The following VPS13C variants were observed in gnomAD, a reference collection of about 807,000 sequenced individuals.
The protein encoded by VPS13C is vacuolar protein sorting 13 homolog C.
In VPS13C, 358 loss-of-function variants were observed where a neutral mutation model predicts 456.8. The observed-to-expected ratio is 0.78, with a 90% CI of 0.72 to 0.86. The LOEUF (loss-of-function observed/expected upper bound fraction) is 0.86. Ranked by LOEUF, VPS13C falls within the 40% of genes least tolerant of loss-of-function variation. The pLI, the probability that VPS13C is intolerant of heterozygous loss-of-function variation, is 0.00. For synonymous variants in VPS13C, 1,578 were observed against 1,486.7 expected, an observed-to-expected ratio of 1.06 and a Z score of -1.41; for missense variants, 4,818 against 4,385.4, an observed-to-expected ratio of 1.10 and a Z score of -2.79.
chr15:62,007,203 A>T, intron 15 of VPS13C, 105 bp downstream of exon 15: 1 of 940,264 alleles, frequency 1.1e-6, no homozygotes, highest in Non-Finnish European at 1.4e-6. Flanking sequence ...AAAAGAGGTG[A>T]ATTCTGTTCT....
chr15:61,991,879 A>C, intron 16 of VPS13C, 77 bp from the exon 17 acceptor site: 1 of 1,490,846 alleles, frequency 6.7e-7, no homozygotes, highest in South Asian at 1.3e-5. Flanking sequence ...GGAAAAAAAA[A>C]CAATGGTTCT....
At chr15:61,911,300 G>C (rs2043294819) in intron 63 of VPS13C, among the ~76,000 whole-genome samples, 1 of 152,066 alleles carries the variant, frequency 6.6e-6, no homozygotes, top group African/African-American at 2.4e-5. Context: ...TTTATCTTTT[G>C]ATCTATAACA....
chr15:61,885,274 A>T (rs1263550021), intron 67 of VPS13C, among the ~76,000 whole-genome samples: 1 of 152,122 alleles, frequency 6.6e-6, no homozygotes, highest in Admixed American at 6.5e-5. Context: ...TTAGCTTGAA[A>T]TTCATTAAAA....
intron 59 of VPS13C, 57 bp downstream of exon 59, chr15:61,918,079 G>T: frequency 6.7e-7 from 1 of 1,497,294 alleles, no homozygotes; most frequent in South Asian, 1.3e-5. Flanking sequence ...TTATTTGCCA[G>T]AATATAAATC....
chr15:61,989,931 C>A lies in VPS13C; in HGVS notation c.1578+1069G>T, dbSNP rs539972131. On this transcript the variant is annotated intron_variant, in intron 18 of 84. Transcript: ENST00000644861. ...CTCAGTAAACGTTATCTTACACATC[C>A]ACACTAAAAGACACAAGTTCAGAGC... Among the ~76,000 whole-genome samples, 304 of 152,240 alleles carry A rather than the reference C, an allele frequency of 2.0e-3. 1 individual carries two copies. Among genetic ancestry groups the A allele is most frequent in the African/African-American group, 6.9e-3 (286 of 41,542 alleles).
At chr15:62,010,189 C>CAA (rs201274227) in intron 13 of VPS13C, among the ~76,000 whole-genome samples, 2 of 135,520 alleles carry the variant, frequency 1.5e-5, no homozygotes, top group African/African-American at 5.5e-5. Flanking sequence ...GACTCCATCT[C>CAA]AAAAAAAAAA....
At chr15:61,977,437 A>G (rs1056381336) in intron 23 of VPS13C, among the ~76,000 whole-genome samples, 1 of 152,012 alleles carries the variant, frequency 6.6e-6, no homozygotes, top group Non-Finnish European at 1.5e-5. Context: ...AAATAATTCT[A>G]TTTGGAGAAT....
chr15:61,980,914 T>A (rs1342396526), intron 22 of VPS13C, among the ~76,000 whole-genome samples: 1 of 152,210 alleles, frequency 6.6e-6, no homozygotes, highest in Non-Finnish European at 1.5e-5. Flanking sequence ...AGGCTTGGCT[T>A]TCTATGAGAT....
intron 79 of VPS13C, 50 bp downstream of exon 79, chr15:61,871,939 T>C: frequency 6.7e-7 from 1 of 1,501,528 alleles, no homozygotes; most frequent in Non-Finnish European, 9.2e-7. Context: ...TGTTTACTAA[T>C]AGCATCAAGT....
chr15:61,902,314 GAACT>G (rs2043027014), intron 66 of VPS13C, among the ~76,000 whole-genome samples: 1 of 136,600 alleles, frequency 7.3e-6, no homozygotes, highest in East Asian at 2.2e-4. Context: ...AAAAAAAAAT[GAACT>G]AATAACCATT....
chr15:62,026,956 A>C (rs111436781), intron 6 of VPS13C, among the ~76,000 whole-genome samples: 4,174 of 152,134 alleles, frequency 0.027, 89 homozygotes, highest in Non-Finnish European at 0.044. Context: ...TTTACACACT[A>C]TTGCTTTTGC....
chr15:62,047,672 A>G (rs2048462197), intron 1 of VPS13C, among the ~76,000 whole-genome samples: 1 of 152,212 alleles, frequency 6.6e-6, no homozygotes, highest in South Asian at 2.1e-4. Context: ...AAGAGGTAAA[A>G]GTGCATTCAT....
At chr15:61,926,979 T>A (rs1012280440) in intron 52 of VPS13C, 112 bp downstream of exon 52, 7 of 955,556 alleles carry the variant, frequency 7.3e-6, no homozygotes, top group African/African-American at 6.6e-5. Context: ...AACCCCAAGT[T>A]CACAATAAAT....
At chr15:61,977,526 G>T (rs1175075234) in intron 23 of VPS13C, among the ~76,000 whole-genome samples, 1 of 151,894 alleles carries the variant, frequency 6.6e-6, no homozygotes, top group Non-Finnish European at 1.5e-5. Flanking sequence ...CAGAATTAGT[G>T]ACTAAGGTTG....
intron 13 of VPS13C, among the ~76,000 whole-genome samples, 196 bp downstream of exon 13, chr15:62,010,276 G>C (rs1260191771): frequency 6.6e-6 from 1 of 151,828 alleles, no homozygotes; most frequent in African/African-American, 2.4e-5. Flanking sequence ...CCACACTTTA[G>C]GAAAAGATGA....
intron 76 of VPS13C, 28 bp from the exon 77 acceptor site, chr15:61,874,979 T>C (rs1186919641): frequency 6.6e-7 from 1 of 1,515,044 alleles, no homozygotes; most frequent in South Asian, 1.3e-5. Context: ...AAAATAATCT[T>C]ATTATTTAAA....
At chr15:61,921,011 G>A (rs542206576) in intron 55 of VPS13C, among the ~76,000 whole-genome samples, 176 of 152,188 alleles carry the variant, frequency 1.2e-3, no homozygotes, top group African/African-American at 3.9e-3. Flanking sequence ...CCTATTAGAG[G>A]TGCCACCTGG....
At chr15:61,865,272 A>C (rs2140855080) in intron 81 of VPS13C, 2 of 981,962 alleles carry the variant, frequency 2.0e-6, no homozygotes, top group South Asian at 4.7e-5. Context: ...AAAAAGCAAA[A>C]TCTATAATGA....
At chr15:61,865,385 G>T (rs1331155967) in intron 81 of VPS13C, 5 of 982,204 alleles carry the variant, frequency 5.1e-6, no homozygotes, top group African/African-American at 1.8e-5. Flanking sequence ...GGCAATACAA[G>T]AATTAAAAAT....
Sources: gnomAD v4.1 joint callset for allele counts (sites outside exome capture counted in the v4.1 genomes callset) on GRCh38, gnomAD v4.1.1 for gene constraint, MANE v1.5 for transcripts, NCBI Gene and HGNC (gene_info 2026-07-23, HGNC 2026-07-21) for gene names.